MED23: variants seen among roughly 807,000 people sequenced by gnomAD.
The protein encoded by MED23 is mediator of RNA polymerase II transcription subunit 23.
MED23 carries 105 observed loss-of-function variants against 163.9 expected under a neutral mutation model. The observed-to-expected ratio is 0.64, with a 90% CI of 0.55 to 0.75. The LOEUF is 0.75. MED23 is among the 30% of genes least tolerant of loss of function. The pLI is 0.00. For missense variants in MED23, 1,054 were observed against 1,649.0 expected (o/e 0.64, Z 6.25); for synonymous variants, 561 against 565.6 (o/e 0.99, Z 0.12).
At chr6:131,594,832 AC>A (rs773004516) in intron 22 of MED23, among the ~76,000 whole-genome samples, 45,702 of 146,940 alleles carry the variant, frequency 0.31, 8,396 homozygotes, top group East Asian at 0.49. Flanking sequence ...AAACAAACAA[AC>A]AAACAAAACC....
At chr6:131,621,694 T>C (rs1202993454) in intron 6 of MED23, among the ~76,000 whole-genome samples, 187 bp downstream of exon 6, 1 of 152,202 alleles carries the variant, frequency 6.6e-6, no homozygotes, top group East Asian at 1.9e-4. Flanking sequence ...TTTAAAACCA[T>C]GAATTAAAAT....
In MED23 at chr6:131,594,250, G is replaced by T; in HGVS notation, c.3081C>A (p.Val1027=). 6.2e-7 allele frequency: 1 copy of T among 1,614,176 alleles called. No homozygotes were observed. The highest frequency in any genetic ancestry group is 2.2e-5 in the East Asian group (1 of 44,884). ...RDRAFLKRKL[V]HAIIGSLKDN... ...CCTTCAGAGAGCCAATGATCGCATGGACGAGTTTTCGTTTGAGAAATGCGC... is the reference window on the plus strand; with the variant it reads ...CCTTCAGAGAGCCAATGATCGCATGTACGAGTTTTCGTTTGAGAAATGCGC... Residue 1027 remains valine, a synonymous_variant, in exon 23 of 29, where the codon GTC becomes GTA. Transcript: ENST00000368068.
In MED23 at chr6:131,587,691, T is replaced by G. The variant is rs747183669; in HGVS notation, c.4095A>C (p.Pro1365=). The G allele has an allele frequency of 1.2e-5, 19 of 1,614,014 alleles. No homozygotes were observed. The highest frequency in any genetic ancestry group is 1.6e-5 in the Non-Finnish European group (19 of 1,179,994). Residue 1365 remains proline (P), a synonymous_variant, in exon 29 of 29, where the codon CCA becomes CCC. Transcript: ENST00000368068. The stretch of plus-strand genomic sequence containing the variant: ...GTACAGTCTGGCTTCACTGAGTTAC[T>G]GGTAAAGACACGGGCACCTGATTAG... ...PQSNQVPVSL[P]VTQ is the part of the protein sequence containing the mutation.
In MED23 at chr6:131,593,131, G is replaced by A. The variant is rs1774772646; in HGVS notation, c.3273C>T (p.Asp1091=). Residue 1091 remains aspartate (D), a synonymous_variant, in exon 24 of 29, where the codon GAC becomes GAT. Transcript: ENST00000368068. The part of the protein sequence containing the change: ...GKSPGPFPNC[D]WRFNEFPNPA... ...GGTTGGGAAACTCATTGAATCTCCA[G>A]TCACAGTTTGGAAAGGGACCAGGAG... The A allele has an allele frequency of 6.2e-7, 1 of 1,614,076 alleles. No homozygotes were observed. Among genetic ancestry groups the A allele is most frequent in the Non-Finnish European group, 8.5e-7 (1 of 1,180,038 alleles).
At position 131,586,843 on chromosome 6, in the gene MED23, A is replaced by G. The variant is rs1297392503; in HGVS notation, c.*836T>C. 4 of 1,507,262 alleles carry G rather than the reference A, an allele frequency of 2.7e-6. No homozygotes were observed. The Admixed American group carries it at 5.9e-5, about 22-fold the overall frequency. 93.4% of individuals were successfully genotyped at this position (1,507,262 alleles called of 1,614,324 possible). A position where few individuals can be genotyped will look rare whatever the true frequency, so the allele number is the denominator to read the frequency against. On this transcript the variant is annotated 3_prime_UTR_variant, in exon 29 of 29. Transcript: ENST00000368068. ...AACAATGTCTCTCAAAATCCAAGAA[A>G]TAAAATGTGTACTGTATTTACAAAT... is the stretch of plus-strand genomic sequence containing the variant.
At chr6:131,615,457 C>A (rs1290309915) in intron 10 of MED23, 1 of 587,558 alleles carries the variant, frequency 1.7e-6, no homozygotes, top group Non-Finnish European at 2.9e-6. Flanking sequence ...AGAGTCAGCA[C>A]AAACCCTCCC....
chr6:131,585,231 C>G (rs1360730688), downstream of MED23, among the ~76,000 whole-genome samples: 1 of 152,100 alleles, frequency 6.6e-6, no homozygotes, highest in Non-Finnish European at 1.5e-5. Context: ...AAAAAACAAA[C>G]CAGAGTAAAC....
downstream of MED23, chr6:131,582,606 A>T: frequency 6.2e-7 from 1 of 1,603,038 alleles, no homozygotes; most frequent in South Asian, 1.1e-5. Flanking sequence ...CCAAGTGAAA[A>T]CATTGTAATT....
At chr6:131,574,210 G>A in exon 31 of MED23, 3 of 1,513,726 alleles carry the variant, frequency 2.0e-6, no homozygotes, top group South Asian at 1.1e-5. Context: ...AACTACTAAG[G>A]TTGATTTTCT....
chr6:131,596,220 A>G (rs1429665680), intron 21 of MED23, 57 bp from the exon 22 acceptor site: 25 of 1,459,214 alleles, frequency 1.7e-5, no homozygotes, highest in Non-Finnish European at 2.2e-5. Context: ...ATTCTCTTAA[A>G]AGAGCTAAAT....
intron 10 of MED23, chr6:131,615,263 G>A: frequency 6.3e-7 from 1 of 1,584,524 alleles, no homozygotes; most frequent in Non-Finnish European, 8.7e-7. Context: ...AATGGAATCA[G>A]TGGCTACAAA....
rs370208169 is a variant in MED23 at position 131,593,040 on chromosome 6, C to T, written c.3364G>A (p.Val1122Ile). ...ACAACATTTAGAAGGGCATTCCCAACTTCTTTGCCTGAAACTGCCAAGGCC... is the reference window on the plus strand; with the variant it reads ...ACAACATTTAGAAGGGCATTCCCAATTTCTTTGCCTGAAACTGCCAAGGCC... ...LMALAVSGKE[V>I]GNALLNVVLK... The change falls in exon 24 of 29, where the codon GTT becomes ATT. Residue 1122 changes from valine to isoleucine, a missense_variant. Physicochemically the swap from Val to Ile is conservative, Grantham distance 29. Around this residue, in one of 11 missense-constraint regions of MED23, gnomAD observed 362 missense variants for 471.6 expected, o/e 0.77. Coordinates refer to ENST00000368068, the MANE Select transcript of MED23 (RefSeq NM_004830.4). 9 of 1,614,230 alleles carry T rather than the reference C, an allele frequency of 5.6e-6. No individual in the cohort carries two copies. Among genetic ancestry groups the T allele is most frequent in the Non-Finnish European group, 6.8e-6 (8 of 1,180,028 alleles).
downstream of MED23, among the ~76,000 whole-genome samples, chr6:131,586,410 AAAAAG>A (rs1248857692): frequency 1.3e-5 from 2 of 152,146 alleles, no homozygotes; most frequent in East Asian, 1.9e-4. Context: ...AAAAAAAAAA[AAAAAG>A]AAAAGAGTAA....
At chr6:131,593,983 T>G in intron 23 of MED23, 116 bp downstream of exon 23, 1 of 846,246 alleles carries the variant, frequency 1.2e-6, no homozygotes, top group Non-Finnish European at 1.8e-6. Flanking sequence ...GGAAGTGATC[T>G]TAAAAAAAAT....
intron 3 of MED23, among the ~76,000 whole-genome samples, chr6:131,625,342 C>T (rs965205065): frequency 1.3e-5 from 2 of 152,296 alleles, no homozygotes; most frequent in Admixed American, 6.5e-5. Context: ...ATAAATATTA[C>T]TGTCACTGGG....
At chr6:131,584,195 C>T, downstream of MED23, 1 of 402,080 alleles carries the variant, frequency 2.5e-6, no homozygotes, top group South Asian at 2.5e-5. Flanking sequence ...TAAAAATAAG[C>T]ACACTTACAT....
At chr6:131,579,485 T>C (rs1399912216) in intron 30 of MED23, 2 of 526,666 alleles carry the variant, frequency 3.8e-6, no homozygotes, top group Non-Finnish European at 6.7e-6. Context: ...ACAATATCTG[T>C]ATTTTGACCT....
At position 131,605,232 on chromosome 6, in the gene MED23, G is replaced by T; in HGVS notation, c.1613+8C>A. 1.2e-6 allele frequency: 2 copies of T among 1,613,006 alleles called. No individual in the cohort carries two copies. The highest frequency in any genetic ancestry group is 1.1e-5 in the South Asian group (1 of 91,052). The stretch of plus-strand genomic sequence containing the variant: ...TGACATGGAACCAAATTAATAAAAA[G>T]AACATACCTCATTTTGGCATGAACT... On this transcript the variant is annotated splice_region_variant and intron_variant, in intron 14 of 28. Coordinates refer to ENST00000368068, the MANE Select transcript of MED23 (RefSeq NM_004830.4).
chr6:131,587,429 T>C lies in MED23; in HGVS notation c.*250A>G, dbSNP rs1774250612. ...TCACAGATACCTCTATGTTCCTACATAGCTCTAATAAGTTGTTATGAATAT... is the reference window on the plus strand; with the variant it reads ...TCACAGATACCTCTATGTTCCTACACAGCTCTAATAAGTTGTTATGAATAT... On this transcript the variant is annotated 3_prime_UTR_variant, in exon 29 of 29. Transcript: ENST00000368068. 1 of 1,322,688 alleles carries C rather than the reference T, an allele frequency of 7.6e-7. No homozygotes were observed. The highest frequency in any genetic ancestry group is 9.7e-7 in the Non-Finnish European group (1 of 1,032,776). The allele number at this position is 1,322,688 out of a possible 1,614,324, so 81.9% of individuals were successfully genotyped here.
Sources: allele counts gnomAD v4.1 joint callset (sites outside exome capture counted in the v4.1 genomes callset), GRCh38; gene constraint gnomAD v4.1.1; regional missense constraint gnomAD v4.1.1; transcripts MANE v1.5; gene names NCBI Gene and HGNC (gene_info 2026-07-23, HGNC 2026-07-21).